ADAMTS6: variants seen among roughly 807,000 people sequenced by gnomAD.
ADAMTS6 encodes A disintegrin and metalloproteinase with thrombospondin motifs 6.
Under a neutral mutation model 144.3 loss-of-function variants are expected in ADAMTS6, and 23 were observed. The ratio of observed to expected loss-of-function variants is 0.16; its 90% CI spans 0.11 to 0.23. ADAMTS6 has a LOEUF of 0.23. Ranked by LOEUF, ADAMTS6 falls within the 10% of genes least tolerant of loss-of-function variation. ADAMTS6 has a pLI of 1.00. For synonymous variants in ADAMTS6, 444 were observed against 457.5 expected, an observed-to-expected ratio of 0.97 and a Z score of 0.38; for missense variants, 999 against 1,379.6, an observed-to-expected ratio of 0.72 and a Z score of 4.37.
intron 10 of ADAMTS6, among the ~76,000 whole-genome samples, chr5:65,294,457 G>A (rs1030835543): frequency 5.3e-5 from 8 of 152,136 alleles, no homozygotes; most frequent in African/African-American, 1.9e-4. Context: ...AGATCTTCCT[G>A]CCTTGGCCTC....
intron 7 of ADAMTS6, among the ~76,000 whole-genome samples, chr5:65,349,685 T>C (rs572535623): frequency 6.6e-6 from 1 of 152,042 alleles, no homozygotes; most frequent in African/African-American, 2.4e-5. Flanking sequence ...TGAAACCCCA[T>C]CTCCACTAAA....
chr5:65,253,693 A>G (rs1236166767), intron 14 of ADAMTS6, among the ~76,000 whole-genome samples: 1 of 152,040 alleles, frequency 6.6e-6, no homozygotes, highest in African/African-American at 2.4e-5. Context: ...ACTATTACAC[A>G]TTTAGAAAAA....
At chr5:65,232,694 A>G (rs1351318651) in intron 15 of ADAMTS6, among the ~76,000 whole-genome samples, 3 of 150,298 alleles carry the variant, frequency 2.0e-5, no homozygotes, top group African/African-American at 5.0e-5. Context: ...AGGTTGAAAC[A>G]GTAAAAAAAA....
chr5:65,384,589 T>C (rs958275995), intron 7 of ADAMTS6, among the ~76,000 whole-genome samples: 1 of 152,202 alleles, frequency 6.6e-6, no homozygotes, highest in African/African-American at 2.4e-5. Context: ...TTTGTACCAA[T>C]ATTCTGCTCA....
intron 12 of ADAMTS6, among the ~76,000 whole-genome samples, chr5:65,269,651 A>G (rs1761903238): frequency 6.6e-6 from 1 of 152,306 alleles, no homozygotes; most frequent in East Asian, 1.9e-4. Context: ...TTACTGTTCA[A>G]TTTAGGGCTA....
rs551072676 is a variant in ADAMTS6 at position 65,387,933 on chromosome 5, G to A, written c.1074-53848C>T. Among the ~76,000 whole-genome samples, 507 of 152,180 alleles carry A rather than the reference G, an allele frequency of 3.3e-3. 2 individuals are homozygous for A. The highest frequency in any genetic ancestry group is 0.01 in the African/African-American group (429 of 41,518). On this transcript the variant is annotated intron_variant, in intron 7 of 24. Transcript: ENST00000381055. Reference sequence around the variant, plus strand: ...AATAATAGAATTTGTACAATAGGCCGGGCACGGTGGCTCACACCTGTAATC... The same window carrying A: ...AATAATAGAATTTGTACAATAGGCCAGGCACGGTGGCTCACACCTGTAATC...
chr5:65,174,701 A>T (rs1264614580), intron 22 of ADAMTS6, among the ~76,000 whole-genome samples: 1 of 151,702 alleles, frequency 6.6e-6, no homozygotes, highest in African/African-American at 2.4e-5. Flanking sequence ...TTTGTTTTTG[A>T]CCTGGCTTGG....
chr5:65,470,821 T>C lies in ADAMTS6; in HGVS notation c.419A>G (p.Gln140Arg), dbSNP rs1760380410. ...TAAAGCCACTTTAGTTGTACTACGT[T>C]GATCTTGCAAATATCCTGTGTAATG... ...NCHYTGYLQD[Q>R]RSTTKVALSN... Residue 140 changes from glutamine (Q) to arginine (R), a missense_variant, in exon 3 of 25, where the codon CAA becomes CGA. Physicochemically the swap from Gln to Arg is conservative, Grantham distance 43 (BLOSUM62 1). Around this residue, in one of 3 missense-constraint regions of ADAMTS6, gnomAD observed 252 missense variants for 293.7 expected, o/e 0.86. Coordinates refer to ENST00000381055, the MANE Select transcript of ADAMTS6 (RefSeq NM_197941.4). 2 of 1,608,792 alleles carry C rather than the reference T, an allele frequency of 1.2e-6. No individual in the cohort carries two copies. Among genetic ancestry groups the C allele is most frequent in the South Asian group, 1.1e-5 (1 of 89,696 alleles).
At chr5:65,300,930 C>T (rs6885138) in intron 9 of ADAMTS6, among the ~76,000 whole-genome samples, 4,206 of 152,180 alleles carry the variant, frequency 0.028, 191 homozygotes, top group African/African-American at 0.096. Flanking sequence ...CGCGCCCGGC[C>T]GTAAGTCCTT....
At chr5:65,395,354 C>T (rs932373577) in intron 7 of ADAMTS6, among the ~76,000 whole-genome samples, 2 of 152,148 alleles carry the variant, frequency 1.3e-5, no homozygotes, top group African/African-American at 2.4e-5. Flanking sequence ...AAAGTAGGTG[C>T]TATTTCAAAG....
chr5:65,334,161 C>T, intron 7 of ADAMTS6, 76 bp from the exon 8 acceptor site: 2 of 1,425,988 alleles, frequency 1.4e-6, no homozygotes, highest in Non-Finnish European at 1.9e-6. Context: ...TCATACTTCT[C>T]TCCTGAAGTT....
At chr5:65,250,858 G>A (rs181504458) in intron 14 of ADAMTS6, among the ~76,000 whole-genome samples, 203 of 152,206 alleles carry the variant, frequency 1.3e-3, no homozygotes, top group African/African-American at 4.5e-3. Context: ...TTCTTCTTTA[G>A]GCTTTGATAT....
At chr5:65,155,840 C>T (rs1000634552) in intron 24 of ADAMTS6, among the ~76,000 whole-genome samples, 3 of 152,226 alleles carry the variant, frequency 2.0e-5, no homozygotes, top group Non-Finnish European at 4.4e-5. Context: ...AGTCAGGTTT[C>T]GTTTCTTTAA....
intron 7 of ADAMTS6, among the ~76,000 whole-genome samples, chr5:65,335,299 C>A (rs895847576): frequency 6.6e-6 from 1 of 152,138 alleles, no homozygotes; most frequent in East Asian, 1.9e-4. Flanking sequence ...ACATATTCAT[C>A]CTCTCTATTT....
chr5:65,398,834 AAGAAAGAAAGAAAG>A (rs1561501896), intron 7 of ADAMTS6, among the ~76,000 whole-genome samples: 2 of 141,266 alleles, frequency 1.4e-5, no homozygotes, highest in South Asian at 4.4e-4. Context: ...GAAAGAAAGA[AAGAAAGAAAGAAAG>A]AAAAAGAAAG....
At chr5:65,244,746 C>T (rs923088092) in intron 14 of ADAMTS6, among the ~76,000 whole-genome samples, 2 of 152,190 alleles carry the variant, frequency 1.3e-5, no homozygotes, top group East Asian at 1.9e-4. Flanking sequence ...ATAGTTTCAG[C>T]GTACAAGGAT....
intron 9 of ADAMTS6, among the ~76,000 whole-genome samples, chr5:65,320,552 CTCT>C (rs1405929203): frequency 6.6e-6 from 1 of 150,918 alleles, no homozygotes; most frequent in African/African-American, 2.4e-5. Context: ...TTTATTTTCT[CTCT>C]TTTTTTTTTT....
In ADAMTS6 at chr5:65,214,381, AAC is replaced by A. The variant is rs763007425; in HGVS notation, c.2575+411_2575+412del. 2.4e-4 allele frequency: 82 copies of A among 336,388 alleles called. No individual in the cohort carries two copies. The highest frequency in any genetic ancestry group is 2.0e-3 in the South Asian group (82 of 41,118). 20.8% of individuals were successfully genotyped at this position (336,388 alleles called of 1,614,324 possible). On this transcript the variant is annotated intron_variant, in intron 20 of 24. Transcript: ENST00000381055. The surrounding 1 kb of genome is among the most constrained non-coding windows in gnomAD (Gnocchi z 4.6). ...ATTGTGGCAAACACACAGGCACACA[AAC>A]ACACACAACAAGCACACAGCCGTAC...
chr5:65,414,181 C>G (rs1326681730), intron 7 of ADAMTS6, among the ~76,000 whole-genome samples: 1 of 152,146 alleles, frequency 6.6e-6, no homozygotes, highest in East Asian at 1.9e-4. Flanking sequence ...TTAGCTCATA[C>G]CCCTTTGTCT....
Sources: allele counts gnomAD v4.1 joint callset (sites outside exome capture counted in the v4.1 genomes callset), GRCh38; gene constraint gnomAD v4.1.1; regional missense constraint gnomAD v4.1.1; non-coding constraint Gnocchi (gnomAD v3.1); transcripts MANE v1.5; gene names NCBI Gene and HGNC (gene_info 2026-07-23, HGNC 2026-07-21).